GOT2: variants seen among roughly 807,000 people sequenced by gnomAD.
The protein encoded by GOT2 is glutamic-oxaloacetic transaminase 2, also known as aspartate aminotransferase, mitochondrial.
In GOT2, 17 loss-of-function variants were observed where a neutral mutation model predicts 50.0. The observed-to-expected ratio is 0.34, with a 90% CI of 0.23 to 0.51. The LOEUF is 0.51. Among genes scored for constraint, GOT2 ranks in the 20% least tolerant of loss-of-function variants. GOT2 has a pLI of 0.97. For missense variants in GOT2, 430 were observed against 559.6 expected, an observed-to-expected ratio of 0.77 and a Z score of 2.34; for synonymous variants, 172 against 204.9, an observed-to-expected ratio of 0.84 and a Z score of 1.37.
chr16:58,728,665 C>A (rs368921536), intron 1 of GOT2, among the ~76,000 whole-genome samples: 3 of 152,038 alleles, frequency 2.0e-5, no homozygotes, highest in African/African-American at 7.2e-5. Context: ...AACCCACAAC[C>A]CTCCAACCAA....
At position 58,718,700 on chromosome 16, in the gene GOT2, G is replaced by A; in HGVS notation, c.436-12C>T. The A allele has an allele frequency of 6.5e-7, 1 of 1,545,064 alleles. No homozygotes were observed. The highest frequency in any genetic ancestry group is 1.2e-5 in the South Asian group (1 of 82,364). ...TTAAAAAATCTTTGCTAAAAGATGG[G>A]ACGAAAGGAAACAGAAAAATGAACA... On this transcript the variant is annotated splice_polypyrimidine_tract_variant and intron_variant, in intron 4 of 9. Coordinates refer to ENST00000245206, the MANE Select transcript of GOT2 (RefSeq NM_002080.4).
rs78784246 is a variant in GOT2 at position 58,718,664 on chromosome 16, C to T, written c.460G>A (p.Asp154Asn). The T allele has an allele frequency of 2.8e-3, 4,390 of 1,571,186 alleles. 96 individuals carry two copies. The African/African-American group carries it at 0.051, about 18-fold the overall frequency. Reference protein sequence around the residue: ...FLQRFFKFSRDVFLPKPTWGN... With the variant: ...FLQRFFKFSRNVFLPKPTWGN... ...CAGGTTGGTTTGGGCAGAAAGACAT[C>T]TCGGCTGAACTTAAAAAATCTTTGC... The change falls in exon 5 of 10, where the codon GAT (aspartate) becomes AAT (asparagine). Residue 154 changes from aspartate (D) to asparagine (N), a missense_variant. Transcript: ENST00000245206.
intron 1 of GOT2, 116 bp downstream of exon 1, chr16:58,734,024 T>C (rs889624973): frequency 3.2e-5 from 14 of 437,028 alleles, no homozygotes; most frequent in East Asian, 1.4e-4. Flanking sequence ...TGTGTGTGTG[T>C]GCGTGTGAGT....
Position 58,709,524 on chromosome 16 carries a change from G to A in GOT2, c.1063C>T (p.Arg355Trp), listed in dbSNP as rs757341111. 1.9e-6 allele frequency: 3 copies of A among 1,612,788 alleles called. No homozygotes were observed. The highest frequency in any genetic ancestry group is 2.2e-5 in the East Asian group (1 of 44,850). ...KVMADRIIGMRTQLVSNLKKE... is the reference protein window; with the variant it reads ...KVMADRIIGMWTQLVSNLKKE... ...TTGAGGTTGGAGACCAGTTGAGTCC[G>A]CATGCCAATGATGCGGTCAGCCATG... Residue 355 changes from arginine to tryptophan, a missense_variant, in exon 9 of 10, where the codon CGG (arginine) becomes TGG (tryptophan). Arg to Trp is a moderately radical substitution (Grantham distance 101). Transcript: ENST00000245206.
intron 1 of GOT2, among the ~76,000 whole-genome samples, chr16:58,725,154 A>C: frequency 6.8e-6 from 1 of 147,400 alleles, no homozygotes; most frequent in Admixed American, 6.9e-5. Flanking sequence ...TCACTCTGTC[A>C]CCCAGGCTGG....
chr16:58,719,948 T>C (rs758514777), intron 3 of GOT2, among the ~76,000 whole-genome samples: 4 of 152,086 alleles, frequency 2.6e-5, no homozygotes, highest in Non-Finnish European at 4.4e-5. Flanking sequence ...ATGCCTGTAA[T>C]CCCAGCACTT....
chr16:58,709,385 T>C (rs1364128474), intron 9 of GOT2, 32 bp downstream of exon 9: 1 of 1,544,116 alleles, frequency 6.5e-7, no homozygotes. Flanking sequence ...ACTGATCAGC[T>C]GGTCTGCTGC....
intron 8 of GOT2, among the ~76,000 whole-genome samples, chr16:58,714,680 TAGCCTGGGTGACAC>T (rs1038901826): frequency 3.9e-5 from 6 of 152,020 alleles, no homozygotes; most frequent in African/African-American, 1.4e-4. Flanking sequence ...CACTGCACTC[TAGCCTGGGTGACAC>T]AGCAAGACTG....
At chr16:58,712,111 T>G (rs1478005343) in intron 8 of GOT2, among the ~76,000 whole-genome samples, 6 of 152,160 alleles carry the variant, frequency 3.9e-5, no homozygotes, top group Admixed American at 2.6e-4. Flanking sequence ...TTCCCCTCTT[T>G]AATGCACAGC....
At chr16:58,721,598 T>C (rs933434322) in intron 3 of GOT2, 1 of 152,266 alleles carries the variant, frequency 6.6e-6, no homozygotes, top group African/African-American at 2.4e-5. Flanking sequence ...TAACATCAAA[T>C]CTATCAGTCA....
intron 1 of GOT2, among the ~76,000 whole-genome samples, chr16:58,726,510 T>TATTTA (rs1555509479): frequency 1.3e-5 from 2 of 151,144 alleles, no homozygotes; most frequent in Admixed American, 6.6e-5. Flanking sequence ...TTTATTTATT[T>TATTTA]TTGAGACGGA....
intron 8 of GOT2, among the ~76,000 whole-genome samples, chr16:58,710,262 G>A (rs1310880398): frequency 4.6e-5 from 7 of 151,770 alleles, no homozygotes; most frequent in Non-Finnish European, 1.0e-4. Context: ...CTATCACCCA[G>A]GCTGGATAGT....
At chr16:58,719,130 A>T (rs1337240241) in intron 4 of GOT2, 66 bp downstream of exon 4, 17 of 1,115,446 alleles carry the variant, frequency 1.5e-5, no homozygotes, top group Non-Finnish European at 2.3e-5. Flanking sequence ...AGTCAAATAC[A>T]CACACAACAG....
At chr16:58,733,523 C>G (rs1432140575) in intron 1 of GOT2, among the ~76,000 whole-genome samples, 1 of 152,198 alleles carries the variant, frequency 6.6e-6, no homozygotes, top group African/African-American at 2.4e-5. Flanking sequence ...CACCTCGACC[C>G]TTTCCCAAGC....
intron 1 of GOT2, among the ~76,000 whole-genome samples, chr16:58,732,422 T>C (rs1312777362): frequency 6.6e-6 from 1 of 152,210 alleles, no homozygotes; most frequent in Non-Finnish European, 1.5e-5. Flanking sequence ...GATCAATTAG[T>C]TGTAAACACC....
chr16:58,715,955 A>T (rs543021909), intron 8 of GOT2, 59 bp downstream of exon 8: 1 of 1,364,348 alleles, frequency 7.3e-7, no homozygotes, highest in Non-Finnish European at 1.0e-6. Flanking sequence ...TTAAAAACTA[A>T]CTTTGAAGGA....
At chr16:58,710,130 T>C (rs2044634463) in intron 8 of GOT2, among the ~76,000 whole-genome samples, 2 of 152,190 alleles carry the variant, frequency 1.3e-5, no homozygotes, top group South Asian at 4.1e-4. Context: ...ACTCCAAGGT[T>C]CAAGCAATCC....
In GOT2 at chr16:58,723,831, T is replaced by C; in HGVS notation, c.161A>G (p.Asp54Gly). Reference protein sequence around the residue: ...ILGVTEAFKRDTNSKKMNLGV... With the variant: ...ILGVTEAFKRGTNSKKMNLGV... ...CAGATTCATCTTTTTGCTATTGGTG[T>C]CCCTCTTAAAGGCTTCAGTGACTCC... The change falls in exon 2 of 10, where the codon GAC (aspartate) becomes GGC (glycine). Residue 54 changes from aspartate to glycine, a missense_variant. By Grantham distance (94) the Asp-to-Gly change is moderately conservative (BLOSUM62 -1). Transcript: ENST00000245206. 1 of 1,613,076 alleles carries C rather than the reference T, an allele frequency of 6.2e-7. No individual in the cohort carries two copies. The highest frequency in any genetic ancestry group is 8.5e-7 in the Non-Finnish European group (1 of 1,179,092).
At chr16:58,723,438 T>C (rs2044756201) in intron 2 of GOT2, among the ~76,000 whole-genome samples, 1 of 152,174 alleles carries the variant, frequency 6.6e-6, no homozygotes, top group Admixed American at 6.5e-5. Flanking sequence ...CTTAAAGTCT[T>C]GGTCCTCTTA....
Sources: allele counts gnomAD v4.1 joint callset (sites outside exome capture counted in the v4.1 genomes callset), GRCh38; gene constraint gnomAD v4.1.1; transcripts MANE v1.5; gene names NCBI Gene and HGNC (gene_info 2026-07-23, HGNC 2026-07-21).